Variants in PTPRR observed in about 807,000 individuals in gnomAD.
The protein encoded by PTPRR is receptor-type tyrosine-protein phosphatase R.
Under a neutral mutation model 77.2 loss-of-function variants are expected in PTPRR, and 38 were observed. That is an observed-to-expected ratio of 0.49 (90% CI 0.38 to 0.65). PTPRR has a LOEUF of 0.65. Among genes scored for constraint, PTPRR ranks in the 30% least tolerant of loss-of-function variants. The probability of loss-of-function intolerance (pLI) is 0.00; values close to 1 mark genes in which losing one functional copy is unlikely to be tolerated. For synonymous variants in PTPRR, 299 were observed against 283.1 expected, an observed-to-expected ratio of 1.06 and a Z score of -0.57; for missense variants, 744 against 799.2, an observed-to-expected ratio of 0.93 and a Z score of 0.83.
chr12:70,889,015 T>C (rs1456355855), intron 2 of PTPRR, among the ~76,000 whole-genome samples: 1 of 152,188 alleles, frequency 6.6e-6, no homozygotes, highest in East Asian at 1.9e-4. Flanking sequence ...AAATGTTAAA[T>C]GCTGATTGAA....
At chr12:70,916,765 C>A (rs1893781457) in intron 1 of PTPRR, among the ~76,000 whole-genome samples, 1 of 152,150 alleles carries the variant, frequency 6.6e-6, no homozygotes, top group African/African-American at 2.4e-5. Context: ...CATAGAATAC[C>A]TTTCTTCTTA....
At chr12:70,664,742 C>G (rs1235584615) in intron 10 of PTPRR, 1 of 152,212 alleles carries the variant, frequency 6.6e-6, no homozygotes, top group Non-Finnish European at 1.5e-5. Context: ...AAGCAATTGG[C>G]AGTCAGCTCC....
intron 5 of PTPRR, among the ~76,000 whole-genome samples, chr12:70,747,868 T>C (rs1388451470): frequency 2.0e-5 from 3 of 152,100 alleles, no homozygotes; most frequent in Non-Finnish European, 4.4e-5. Flanking sequence ...ATGGAAGAGA[T>C]TGCTACTTGG....
At chr12:70,887,760 A>G (rs1407066810) in intron 2 of PTPRR, among the ~76,000 whole-genome samples, 1 of 151,942 alleles carries the variant, frequency 6.6e-6, no homozygotes, top group Non-Finnish European at 1.5e-5. Context: ...GGAGAGGTGG[A>G]GTGGTAGGAG....
intron 2 of PTPRR, among the ~76,000 whole-genome samples, chr12:70,871,564 T>C (rs1005976132): frequency 1.3e-5 from 2 of 152,168 alleles, no homozygotes; most frequent in African/African-American, 2.4e-5. Context: ...CTAATTTCAG[T>C]ATCAATAAAG....
rs1887795838 is a variant in PTPRR, at chr12:70,684,729, G to A, written c.1334C>T (p.Thr445Ile). 1.2e-6 allele frequency: 2 copies of A among 1,604,914 alleles called. No homozygotes were observed. Among genetic ancestry groups the A allele is most frequent in the Non-Finnish European group, 1.7e-6 (2 of 1,173,314 alleles). The change falls in exon 9 of 14, where the codon ACC (threonine) becomes ATC (isoleucine). Residue 445 changes from threonine (T) to isoleucine (I), a missense_variant. Thr to Ile is a moderately conservative substitution (Grantham distance 89, BLOSUM62 -1). Transcript: ENST00000283228. The stretch of plus-strand genomic sequence containing the variant: ...CCTAATATAATTAGCATTAATGTAG[G>A]TGCTCAATGAATCGGTTACATTTTT... Reference protein sequence around the residue: ...RPKNVTDSLSTYINANYIRGY... With the variant: ...RPKNVTDSLSIYINANYIRGY...
intron 2 of PTPRR, among the ~76,000 whole-genome samples, chr12:70,847,337 C>A (rs565873513): frequency 1.3e-5 from 2 of 152,134 alleles, no homozygotes; most frequent in African/African-American, 4.8e-5. Context: ...TATGGTCAAA[C>A]CACAAACATA....
intron 8 of PTPRR, among the ~76,000 whole-genome samples, chr12:70,689,201 A>T (rs780515919): frequency 2.0e-5 from 3 of 152,194 alleles, no homozygotes; most frequent in Non-Finnish European, 4.4e-5. Context: ...ACAAAAAATA[A>T]ATAAATATTT....
chr12:70,735,233 T>G (rs1211858567), intron 6 of PTPRR, among the ~76,000 whole-genome samples: 1 of 152,104 alleles, frequency 6.6e-6, no homozygotes, highest in Non-Finnish European at 1.5e-5. Context: ...TGTTAGAAGG[T>G]GATTAGTCCG....
intron 6 of PTPRR, among the ~76,000 whole-genome samples, chr12:70,721,032 A>C (rs1180997904): frequency 1.3e-5 from 2 of 152,194 alleles, no homozygotes; most frequent in Non-Finnish European, 2.9e-5. Context: ...TTTAAAATGC[A>C]TATCTTATAT....
chr12:70,785,321 G>C (rs1442573315), intron 2 of PTPRR, among the ~76,000 whole-genome samples: 2 of 121,448 alleles, frequency 1.6e-5, no homozygotes, highest in Non-Finnish European at 3.3e-5. Context: ...TTATAACCTA[G>C]TTTTTCCTTC....
chr12:70,874,913 T>A, intron 2 of PTPRR, among the ~76,000 whole-genome samples: 1 of 89,884 alleles, frequency 1.1e-5, no homozygotes. Flanking sequence ...AGAGTGAGAC[T>A]CCATCTCAAA....
chr12:70,813,142 T>C (rs1891839829), intron 2 of PTPRR, among the ~76,000 whole-genome samples: 1 of 152,238 alleles, frequency 6.6e-6, no homozygotes, highest in Non-Finnish European at 1.5e-5. Flanking sequence ...AACTAAGCTT[T>C]TCATCTTTTT....
intron 2 of PTPRR, among the ~76,000 whole-genome samples, chr12:70,766,155 C>T (rs987436175): frequency 1.3e-5 from 2 of 152,330 alleles, no homozygotes; most frequent in East Asian, 3.9e-4. Context: ...CGGAACAAAG[C>T]TGGACAGAGA....
At chr12:70,897,986 A>G (rs1268502395) in intron 1 of PTPRR, among the ~76,000 whole-genome samples, 4 of 129,980 alleles carry the variant, frequency 3.1e-5, no homozygotes, top group Non-Finnish European at 6.4e-5. Context: ...GGAACATCAC[A>G]CACCAGAGAC....
At chr12:70,789,646 CA>C (rs986142918) in intron 2 of PTPRR, among the ~76,000 whole-genome samples, 7 of 151,396 alleles carry the variant, frequency 4.6e-5, no homozygotes, top group Non-Finnish European at 7.4e-5. Flanking sequence ...TAGATGGCAA[CA>C]AAAAAATTAA....
intron 2 of PTPRR, among the ~76,000 whole-genome samples, chr12:70,801,332 G>T (rs545257151): frequency 1.3e-5 from 2 of 152,292 alleles, no homozygotes; most frequent in African/African-American, 4.8e-5. Context: ...TTCTGGGTGT[G>T]ACTGTGAGGG....
At chr12:70,684,618 G>C in intron 9 of PTPRR, 86 bp downstream of exon 9, 1 of 960,388 alleles carries the variant, frequency 1.0e-6, no homozygotes, top group South Asian at 1.7e-5. Flanking sequence ...GTTAAACCAA[G>C]CTTAATCTAC....
chr12:70,816,796 T>A (rs970707445), intron 2 of PTPRR, among the ~76,000 whole-genome samples: 4 of 152,108 alleles, frequency 2.6e-5, no homozygotes, highest in African/African-American at 9.6e-5. Context: ...TAAAATATTT[T>A]AAAATAGAAA....
Sources: gnomAD v4.1 joint callset for allele counts (sites outside exome capture counted in the v4.1 genomes callset) on GRCh38, gnomAD v4.1.1 for gene constraint, MANE v1.5 for transcripts, NCBI Gene and HGNC (gene_info 2026-07-23, HGNC 2026-07-21) for gene names.